The following BLTP1 variants were observed in gnomAD, a reference collection of about 807,000 sequenced individuals.
BLTP1 encodes fragile site-associated protein.
the BLTP1 span, chr4:122,353,774 T>C: frequency 1.3e-6 from 2 of 1,573,160 alleles, no homozygotes; most frequent in South Asian, 1.2e-5. The surrounding 1 kb of genome is among the most constrained non-coding windows in gnomAD (Gnocchi z 4.3). Flanking sequence ...AATCTAAATA[T>C]GGTTTATTAC....
chr4:122,236,399 A>G, the BLTP1 span, among the ~76,000 whole-genome samples: 1 of 152,246 alleles, frequency 6.6e-6, no homozygotes, highest in Admixed American at 6.5e-5. Flanking sequence ...GTCTTCTTAT[A>G]TAACTTTTTT....
chr4:122,261,203 A>G, the BLTP1 span: 10 of 645,770 alleles, frequency 1.5e-5, no homozygotes, highest in Non-Finnish European at 1.9e-5. Context: ...AGACTGAACT[A>G]TTGAGCTTAT....
the BLTP1 span, chr4:122,196,842 A>G: frequency 2.8e-6 from 3 of 1,073,258 alleles, no homozygotes; most frequent in Middle Eastern, 3.2e-4. Context: ...TTTTGACATT[A>G]TTTTTCAGAG....
chr4:122,286,841 A>T, the BLTP1 span: 1 of 1,419,718 alleles, frequency 7.0e-7, no homozygotes, highest in Admixed American at 2.0e-5. Flanking sequence ...TTCAAGATTT[A>T]TATGTACCAA....
the BLTP1 span, among the ~76,000 whole-genome samples, chr4:122,163,392 G>A: frequency 6.6e-6 from 1 of 152,118 alleles, no homozygotes; most frequent in East Asian, 1.9e-4. Context: ...CAACTTCCTA[G>A]CCATAATTGA....
chr4:122,359,347 A>G, the BLTP1 span: 4 of 958,570 alleles, frequency 4.2e-6, no homozygotes, highest in Non-Finnish European at 5.0e-6. Context: ...TGATCTCAGC[A>G]TTTTTTATCA....
At chr4:122,258,700 G>C in the BLTP1 span, 1 of 1,612,314 alleles carries the variant, frequency 6.2e-7, no homozygotes, top group Non-Finnish European at 8.5e-7. Flanking sequence ...AACTGTTTCA[G>C]CCACAGTCAG....
chr4:122,209,946 G>T, the BLTP1 span: 5 of 1,608,488 alleles, frequency 3.1e-6, no homozygotes, highest in Admixed American at 1.7e-5. Context: ...TATATAATTT[G>T]TGCTTTTATA....
At chr4:122,331,436 G>C in the BLTP1 span, 1 of 1,612,066 alleles carries the variant, frequency 6.2e-7, no homozygotes, top group Non-Finnish European at 8.5e-7. Flanking sequence ...GCTACAGAGA[G>C]AAATATTGAC....
the BLTP1 span, among the ~76,000 whole-genome samples, chr4:122,155,253 T>C: frequency 6.6e-6 from 1 of 150,416 alleles, no homozygotes; most frequent in East Asian, 1.9e-4. Context: ...TTATAATAAA[T>C]TTTATATTAT....
chr4:122,348,264 A>C, the BLTP1 span, among the ~76,000 whole-genome samples: 6 of 152,284 alleles, frequency 3.9e-5, no homozygotes, highest in Non-Finnish European at 2.9e-5. Flanking sequence ...TTTGTTAAAC[A>C]GAATCCTAGG....
chr4:122,340,399 A>G, the BLTP1 span, among the ~76,000 whole-genome samples: 1 of 152,168 alleles, frequency 6.6e-6, no homozygotes, highest in Non-Finnish European at 1.5e-5. Flanking sequence ...TTGTAAGGAA[A>G]TACAGCTTAG....
chr4:122,171,947 G>C, the BLTP1 span: 1 of 984,744 alleles, frequency 1.0e-6, no homozygotes, highest in African/African-American at 1.7e-5. Flanking sequence ...GCAAATGCCT[G>C]TTGCCATTCT....
chr4:122,181,271 T>C, the BLTP1 span: 1 of 964,292 alleles, frequency 1.0e-6, no homozygotes, highest in Non-Finnish European at 1.2e-6. Context: ...ACTGGACAAC[T>C]GACAGATCTA....
chr4:122,187,093 A>C, the BLTP1 span: 2 of 984,342 alleles, frequency 2.0e-6, no homozygotes, highest in African/African-American at 3.5e-5. Context: ...TGGCTGTCTT[A>C]TAAAATGTCG....
chr4:122,173,244 C>A, the BLTP1 span: 1 of 1,329,470 alleles, frequency 7.5e-7, no homozygotes, highest in Non-Finnish European at 1.0e-6. Flanking sequence ...ATGCCTGAGA[C>A]TAGGTCATTT....
the BLTP1 span, chr4:122,356,124 T>G: frequency 1.5e-6 from 1 of 655,070 alleles, no homozygotes; most frequent in African/African-American, 1.8e-5. Flanking sequence ...ATTTATTTTC[T>G]TATCAGCTAT....
the BLTP1 span, among the ~76,000 whole-genome samples, chr4:122,303,191 C>A: frequency 6.6e-6 from 1 of 152,274 alleles, no homozygotes; most frequent in Middle Eastern, 3.4e-3. Flanking sequence ...TCTGAAAATC[C>A]TAGGGCCTTT....
At chr4:122,296,405 A>G in the BLTP1 span, among the ~76,000 whole-genome samples, 1 of 152,222 alleles carries the variant, frequency 6.6e-6, no homozygotes, top group African/African-American at 2.4e-5. Context: ...GCACTGCTCA[A>G]GGAAATCAGA....
Sources: gnomAD v4.1 joint callset for allele counts (sites outside exome capture counted in the v4.1 genomes callset) on GRCh38, gnomAD v4.1.1 for gene constraint, Gnocchi (gnomAD v3.1) non-coding constraint, MANE v1.5 for transcripts, NCBI Gene and HGNC (gene_info 2026-07-23, HGNC 2026-07-21) for gene names.